Variants in GOLGA3 observed in about 807,000 individuals in gnomAD.
GOLGA3 encodes the protein golgin A3.
In GOLGA3, 75 loss-of-function variants were observed where a neutral mutation model predicts 169.4. That is an observed-to-expected ratio of 0.44 (90% CI 0.37 to 0.54). The LOEUF is 0.54. GOLGA3 is among the 20% of genes least tolerant of loss of function. The probability of loss-of-function intolerance (pLI) is 0.00; values close to 1 mark genes in which losing one functional copy is unlikely to be tolerated. For missense variants in GOLGA3, 1,899 were observed against 1,930.0 expected (o/e 0.98, Z 0.30); for synonymous variants, 824 against 822.4 (o/e 1.00, Z -0.03).
At position 132,796,669 on chromosome 12, in the gene GOLGA3, A is replaced by G; in HGVS notation, c.1970T>C (p.Met657Thr). 6.2e-7 allele frequency: 1 copy of G among 1,614,102 alleles called. No homozygotes were observed. Among genetic ancestry groups the G allele is most frequent in the Non-Finnish European group, 8.5e-7 (1 of 1,179,996 alleles). The change falls in exon 10 of 24, where the codon ATG becomes ACG. Residue 657 changes from methionine to threonine, a missense_variant. Met to Thr is a moderately conservative substitution (Grantham distance 81). Coordinates refer to ENST00000450791, the MANE Select transcript of GOLGA3 (RefSeq NM_001389683.1). ...CATCGTCTTTGCCTCCTGAATCTGCATGAAGGCTGCTTCCTGATCCAACAT... is the reference window on the plus strand; with the variant it reads ...CATCGTCTTTGCCTCCTGAATCTGCGTGAAGGCTGCTTCCTGATCCAACAT... ...ADMLDQEAAFMQIQEAKTMVE... is the reference protein window; with the variant it reads ...ADMLDQEAAFTQIQEAKTMVE...
chr12:132,773,053 C>A lies in GOLGA3; in HGVS notation c.*52G>T. On this transcript the variant is annotated 3_prime_UTR_variant, in exon 24 of 24. Transcript: ENST00000450791. ...ATCGACCACACAATCAAATAAATAA[C>A]ATTGATAAGAGCCTTCTGGGGCAGC... 2 of 1,237,946 alleles carry A rather than the reference C, an allele frequency of 1.6e-6. No homozygotes were observed. Among genetic ancestry groups the A allele is most frequent in the Non-Finnish European group, 2.2e-6 (2 of 904,452 alleles). 76.7% of individuals were successfully genotyped at this position (1,237,946 alleles called of 1,614,324 possible).
At chr12:132,775,093 A>G in intron 22 of GOLGA3, 48 bp downstream of exon 22, 1 of 1,557,748 alleles carries the variant, frequency 6.4e-7, no homozygotes, top group Non-Finnish European at 8.7e-7. Flanking sequence ...GTCCGAGAGC[A>G]TCTACAGCGC....
At chr12:132,826,974 A>G (rs931429112) in intron 1 of GOLGA3, among the ~76,000 whole-genome samples, 1 of 152,202 alleles carries the variant, frequency 6.6e-6, no homozygotes, top group African/African-American at 2.4e-5. Context: ...GTCTCTAGAG[A>G]GAAGAGACAG....
Position 132,772,151 on chromosome 12 carries a change from T to G in GOLGA3, c.*954A>C, listed in dbSNP as rs1018380682. 1.3e-5 allele frequency: 2 copies of G among 152,256 alleles called. No homozygotes were observed. The highest frequency in any genetic ancestry group is 4.8e-5 in the African/African-American group (2 of 41,470). 9.4% of individuals were successfully genotyped at this position (152,256 alleles called of 1,614,324 possible). A position where few individuals can be genotyped will look rare whatever the true frequency, so the allele number is the denominator to read the frequency against. ...TATATTTCTTAGAATTTTCTGACTA[T>G]CCCTAAATCCTGCAGGTAAATTATT... On this transcript the variant is annotated 3_prime_UTR_variant, in exon 24 of 24. Coordinates refer to ENST00000450791, the MANE Select transcript of GOLGA3 (RefSeq NM_001389683.1).
intron 2 of GOLGA3, among the ~76,000 whole-genome samples, chr12:132,820,817 C>T (rs567249171): frequency 2.6e-5 from 4 of 152,222 alleles, no homozygotes; most frequent in Admixed American, 6.5e-5. Flanking sequence ...AGGCAGAATT[C>T]GGCCAGGCAC....
At chr12:132,791,560 G>A (rs907281891) in intron 11 of GOLGA3, among the ~76,000 whole-genome samples, 10 of 151,646 alleles carry the variant, frequency 6.6e-5, no homozygotes, top group South Asian at 4.2e-4. Context: ...CATCTGCAGC[G>A]ATGTTACACT....
chr12:132,792,890 C>T (rs577235180), intron 11 of GOLGA3, among the ~76,000 whole-genome samples: 5 of 127,654 alleles, frequency 3.9e-5, no homozygotes, highest in African/African-American at 1.5e-4. Context: ...ACCCACCACA[C>T]GGGATCTGCA....
chr12:132,820,671 A>G (rs1593393387), intron 2 of GOLGA3, among the ~76,000 whole-genome samples: 1 of 152,174 alleles, frequency 6.6e-6, no homozygotes, highest in Non-Finnish European at 1.5e-5. Context: ...CTGAGTGAAT[A>G]ACTAAGTCAC....
Position 132,795,862 on chromosome 12 carries a change from T to C in GOLGA3, c.2459A>G (p.Lys820Arg), listed in dbSNP as rs1402981961. 6.2e-7 allele frequency: 1 copy of C among 1,611,752 alleles called. No homozygotes were observed. Among genetic ancestry groups the C allele is most frequent in the South Asian group, 1.1e-5 (1 of 91,076 alleles). Residue 820 changes from lysine to arginine, a missense_variant, in exon 11 of 24, where the codon AAA becomes AGA. Coordinates refer to ENST00000450791, the MANE Select transcript of GOLGA3 (RefSeq NM_001389683.1). ...LEKLREELAI[K>R]SGQVEHLQQE... Reference sequence around the variant, plus strand: ...AGCAGAATGCATTACCTGGCCGGATTTGATAGCTAATTCTTCTCTTAACTT... The same window carrying C: ...AGCAGAATGCATTACCTGGCCGGATCTGATAGCTAATTCTTCTCTTAACTT...
chr12:132,812,495 G>A (rs1464926593), intron 4 of GOLGA3, among the ~76,000 whole-genome samples: 2 of 152,146 alleles, frequency 1.3e-5, no homozygotes, highest in African/African-American at 4.8e-5. Flanking sequence ...CATTCTAGAT[G>A]CCATTAAAAA....
intron 22 of GOLGA3, 67 bp from the exon 23 acceptor site, chr12:132,774,387 G>T: frequency 6.4e-7 from 1 of 1,572,884 alleles, no homozygotes. Context: ...CACTAGCACA[G>T]CTTGTGGCAA....
intron 13 of GOLGA3, among the ~76,000 whole-genome samples, chr12:132,788,719 C>T (rs2046057545): frequency 6.6e-6 from 1 of 152,218 alleles, no homozygotes; most frequent in Non-Finnish European, 1.5e-5. Flanking sequence ...ATCCCGGGAG[C>T]CCATGGCAAT....
intron 2 of GOLGA3, among the ~76,000 whole-genome samples, chr12:132,817,214 C>T (rs1949999512): frequency 2.2e-5 from 3 of 135,002 alleles, no homozygotes; most frequent in South Asian, 5.1e-4. Flanking sequence ...AAGGTGAACC[C>T]GCCCTCCACA....
At chr12:132,827,158 C>T (rs571742437) in intron 1 of GOLGA3, among the ~76,000 whole-genome samples, 7 of 152,324 alleles carry the variant, frequency 4.6e-5, no homozygotes, top group South Asian at 4.1e-4. Context: ...TACACCACCT[C>T]GTTTCACCTG....
In GOLGA3 at chr12:132,796,044, G is replaced by A. The variant is rs528566298; in HGVS notation, c.2277C>T (p.Gly759=). 2.7e-5 allele frequency: 44 copies of A among 1,612,406 alleles called. No individual in the cohort carries two copies. Among genetic ancestry groups the A allele is most frequent in the South Asian group, 1.3e-4 (12 of 91,072 alleles). The part of the protein sequence containing the change: ...ELQARLGELQ[G]EAASREDTIC... ...TCGTGTCCTCCCTGGAGGCGGCCTC[G>A]CCCTGCAGCTCCCCCAGCCTGGCCT... The change falls in exon 11 of 24, where the codon GGC becomes GGT. Residue 759 remains glycine, a synonymous_variant. Coordinates refer to ENST00000450791, the MANE Select transcript of GOLGA3 (RefSeq NM_001389683.1).
intron 1 of GOLGA3, among the ~76,000 whole-genome samples, chr12:132,826,833 G>A (rs560885570): frequency 6.6e-6 from 1 of 150,586 alleles, no homozygotes; most frequent in African/African-American, 2.4e-5. Flanking sequence ...CTGACAAAAA[G>A]CGATCTCCGG....
At chr12:132,806,373 C>T (rs1325510254) in intron 6 of GOLGA3, among the ~76,000 whole-genome samples, 1 of 152,204 alleles carries the variant, frequency 6.6e-6, no homozygotes, top group Non-Finnish European at 1.5e-5. Context: ...AAGTGACGAC[C>T]GTACAACCAG....
intron 1 of GOLGA3, 28 bp from the exon 2 acceptor site, chr12:132,822,339 T>C: frequency 8.2e-7 from 1 of 1,212,390 alleles, no homozygotes; most frequent in Non-Finnish European, 1.1e-6. Context: ...CAAAATGTAT[T>C]ATGAAACTTG....
chr12:132,814,977 C>T (rs910878151), intron 3 of GOLGA3, among the ~76,000 whole-genome samples: 2 of 152,180 alleles, frequency 1.3e-5, no homozygotes, highest in African/African-American at 4.8e-5. Context: ...GCCTGGGTGC[C>T]GACCAGAGTA....
Sources: allele counts gnomAD v4.1 joint callset (sites outside exome capture counted in the v4.1 genomes callset), GRCh38; gene constraint gnomAD v4.1.1; transcripts MANE v1.5; gene names NCBI Gene and HGNC (gene_info 2026-07-23, HGNC 2026-07-21).